CDH18: variants seen among roughly 807,000 people sequenced by gnomAD.
CDH18 encodes the protein cadherin 18.
Under a neutral mutation model 67.9 loss-of-function variants are expected in CDH18, and 31 were observed. The ratio of observed to expected loss-of-function variants is 0.46; its 90% CI spans 0.34 to 0.62. CDH18 has a LOEUF of 0.62. CDH18 is among the 20% of genes least tolerant of loss of function. The pLI, the probability that CDH18 is intolerant of heterozygous loss-of-function variation, is 0.01. For synonymous variants in CDH18, 362 were observed against 347.2 expected, an observed-to-expected ratio of 1.04 and a Z score of -0.48; for missense variants, 890 against 975.5, an observed-to-expected ratio of 0.91 and a Z score of 1.17.
At chr5:19,917,901 A>G (rs949598276) in intron 2 of CDH18, among the ~76,000 whole-genome samples, 4 of 152,138 alleles carry the variant, frequency 2.6e-5, no homozygotes, top group African/African-American at 9.7e-5. Flanking sequence ...TCTACGACAG[A>G]TAAGTAGTAA....
intron 5 of CDH18, among the ~76,000 whole-genome samples, chr5:19,627,225 T>C (rs369725534): frequency 1.8e-4 from 28 of 152,232 alleles, no homozygotes; most frequent in African/African-American, 6.3e-4. Flanking sequence ...AAAGTAACCA[T>C]TACATTGCAA....
intron 1 of CDH18, among the ~76,000 whole-genome samples, chr5:20,530,334 T>C (rs950925392): frequency 6.6e-6 from 1 of 152,110 alleles, no homozygotes; most frequent in South Asian, 2.1e-4. Flanking sequence ...TTCAATGCTA[T>C]TCCCATTAAA....
In CDH18 at chr5:19,479,957, G is replaced by A. The variant is rs1033658857; in HGVS notation, c.1882+3344C>T. ...TTTCATAAAAACCAATTAAAATGAAGTATCATTCCATGAAAACATAAAATG... is the reference window on the plus strand; with the variant it reads ...TTTCATAAAAACCAATTAAAATGAAATATCATTCCATGAAAACATAAAATG... On this transcript the variant is annotated intron_variant, in intron 12 of 12. Coordinates refer to ENST00000382275, the MANE Select transcript of CDH18 (RefSeq NM_004934.5). 7.2e-5 allele frequency among the ~76,000 whole-genome samples: 11 copies of A among 152,120 alleles called. 1 individual carries two copies. Among genetic ancestry groups the A allele is most frequent in the Non-Finnish European group, 1.3e-4 (9 of 68,016 alleles).
chr5:19,930,935 T>G (rs1217317481), intron 2 of CDH18, among the ~76,000 whole-genome samples: 1 of 151,998 alleles, frequency 6.6e-6, no homozygotes, highest in Non-Finnish European at 1.5e-5. Flanking sequence ...TATAAGTCCT[T>G]ATAAACTTAA....
chr5:19,759,166 T>A (rs1208918881), intron 3 of CDH18, among the ~76,000 whole-genome samples: 1 of 152,226 alleles, frequency 6.6e-6, no homozygotes. Flanking sequence ...GTACAGCAGC[T>A]GCAATTGGAG....
chr5:20,110,362 T>G (rs1311207835), intron 2 of CDH18, among the ~76,000 whole-genome samples: 4 of 152,328 alleles, frequency 2.6e-5, no homozygotes, highest in South Asian at 2.1e-4. Flanking sequence ...GTTTGTTGAT[T>G]ATTACATGTC....
intron 2 of CDH18, among the ~76,000 whole-genome samples, chr5:20,133,204 A>G (rs1749415301): frequency 6.6e-6 from 1 of 152,216 alleles, no homozygotes; most frequent in Non-Finnish European, 1.5e-5. Flanking sequence ...ACTGCTAATA[A>G]AGACTAAGAC....
At position 19,838,758 on chromosome 5, in the gene CDH18, C is replaced by T; in HGVS notation, c.228+1G>A. 1 of 1,600,260 alleles carries T rather than the reference C, an allele frequency of 6.2e-7. No individual in the cohort carries two copies. Among genetic ancestry groups the T allele is most frequent in the Non-Finnish European group, 8.6e-7 (1 of 1,167,724 alleles). On this transcript the variant is annotated splice_donor_variant, in intron 3 of 12. Coordinates refer to ENST00000382275, the MANE Select transcript of CDH18 (RefSeq NM_004934.5). LOFTEE classifies it high-confidence loss of function. ...AAACAGCAAAATAAACAAAATCTTA[C>T]CTTTCCAACATACTGAGGATCTGGT...
At chr5:20,020,419 C>G (rs1738304125) in intron 2 of CDH18, among the ~76,000 whole-genome samples, 1 of 152,238 alleles carries the variant, frequency 6.6e-6, no homozygotes, top group Non-Finnish European at 1.5e-5. Context: ...CAGAGACCTT[C>G]ATGGCAGCTC....
At chr5:20,054,593 G>C (rs926485839) in intron 2 of CDH18, among the ~76,000 whole-genome samples, 3 of 152,068 alleles carry the variant, frequency 2.0e-5, no homozygotes, top group Non-Finnish European at 4.4e-5. Context: ...CTCCCTTATA[G>C]TTTCTGCTGC....
intron 11 of CDH18, among the ~76,000 whole-genome samples, chr5:19,493,613 T>C (rs1007650909): frequency 6.6e-6 from 1 of 152,032 alleles, no homozygotes; most frequent in Non-Finnish European, 1.5e-5. Flanking sequence ...TAAGTGAATA[T>C]ATTCATATTG....
intron 8 of CDH18, among the ~76,000 whole-genome samples, chr5:19,569,260 T>C (rs1218928119): frequency 6.6e-6 from 1 of 152,186 alleles, no homozygotes; most frequent in African/African-American, 2.4e-5. Flanking sequence ...AAGCTCCTCA[T>C]GTACAGCAAA....
At chr5:19,991,010 T>C (rs1341480781), upstream of CDH18, among the ~76,000 whole-genome samples, 1 of 152,172 alleles carries the variant, frequency 6.6e-6, no homozygotes, top group African/African-American at 2.4e-5. Flanking sequence ...GGGAGAGTTA[T>C]TAGAATCATT....
At chr5:19,514,018 C>A (rs1211833949) in intron 10 of CDH18, among the ~76,000 whole-genome samples, 5 of 152,050 alleles carry the variant, frequency 3.3e-5, no homozygotes, top group Non-Finnish European at 7.4e-5. Context: ...CATGACAGGC[C>A]CCAGCGTGTG....
chr5:19,655,329 C>T (rs1580721168), intron 5 of CDH18, among the ~76,000 whole-genome samples: 1 of 151,790 alleles, frequency 6.6e-6, no homozygotes, highest in East Asian at 1.9e-4. Flanking sequence ...CTTTTAATAT[C>T]AACCTTTGCA....
At chr5:20,180,383 T>G (rs13180025) in intron 2 of CDH18, among the ~76,000 whole-genome samples, 77,005 of 151,978 alleles carry the variant, frequency 0.51, 19,955 homozygotes, top group Middle Eastern at 0.65. Context: ...CATGTACTGT[T>G]TCTATGGATT....
At chr5:20,533,857 C>G (rs1756557632) in intron 1 of CDH18, among the ~76,000 whole-genome samples, 1 of 151,898 alleles carries the variant, frequency 6.6e-6, no homozygotes, top group Admixed American at 6.6e-5. Context: ...TTTGTAAGAA[C>G]TGATACAATA....
At chr5:20,060,864 A>G (rs1417088366) in intron 2 of CDH18, among the ~76,000 whole-genome samples, 1 of 151,986 alleles carries the variant, frequency 6.6e-6, no homozygotes, top group East Asian at 1.9e-4. Context: ...AGAAAACAAC[A>G]ATTTTCTAGA....
In CDH18 at chr5:20,123,458, T is replaced by C. The variant is rs572417175; in HGVS notation, c.-517-131444A>G. Among the ~76,000 whole-genome samples, 10 of 152,316 alleles carry C rather than the reference T, an allele frequency of 6.6e-5. No individual in the cohort carries two copies. The South Asian group carries it at 2.1e-3, about 32-fold the overall frequency. ...AGTCTGAGACCTTCTTTCCCTCTCT[T>C]GTTCAGCAGTCTTAGACCTATTTCA... On this transcript the variant is annotated intron_variant, in intron 2 of 14. Coordinates refer to the CDH18 transcript ENST00000507958.
Sources: allele counts gnomAD v4.1 joint callset (sites outside exome capture counted in the v4.1 genomes callset), GRCh38; gene constraint gnomAD v4.1.1; transcripts MANE v1.5; gene names NCBI Gene and HGNC (gene_info 2026-07-23, HGNC 2026-07-21).